The following COL6A5 variants were observed in gnomAD, a reference collection of about 807,000 sequenced individuals.
The protein encoded by COL6A5 is collagen type VI alpha 5 chain.
COL6A5 carries 48 observed loss-of-function variants against 65.6 expected under a neutral mutation model. The observed-to-expected ratio is 0.73, with a 90% confidence interval of 0.58 to 0.93. COL6A5 has a LOEUF of 0.93. Ranked by LOEUF, COL6A5 falls within the 40% of genes least tolerant of loss-of-function variation. The pLI is 0.00. For missense variants in COL6A5, 914 were observed against 928.3 expected (o/e 0.98, Z 0.20); for synonymous variants, 291 against 322.8 (o/e 0.90, Z 1.05).
chr3:130,427,450 C>T (rs147886222), upstream of COL6A5, among the ~76,000 whole-genome samples: 12 of 152,190 alleles, frequency 7.9e-5, no homozygotes, highest in South Asian at 1.7e-3. Flanking sequence ...TTAGAATAAC[C>T]GTCAGGCTAG....
rs1234400428 is a variant in COL6A5, at chr3:130,439,518, GCA to G, written c.488-3_488-2del. On this transcript the variant is annotated splice_acceptor_variant and splice_polypyrimidine_tract_variant and intron_variant, in intron 1 of 7. Transcript: ENST00000512836. LOFTEE classifies it high-confidence loss of function. ...AACATGCGTTCACTTCTTTTCCAAT[GCA>G]GTTTGACAACACTGGAACATTTCAG... 6.5e-7 allele frequency: 1 copy of G among 1,546,230 alleles called. No individual in the cohort carries two copies. The highest frequency in any genetic ancestry group is 8.7e-7 in the Non-Finnish European group (1 of 1,143,746).
chr3:130,379,564 A>G, exon 4 of COL6A5: 4 of 1,551,444 alleles, frequency 2.6e-6, no homozygotes, highest in Non-Finnish European at 2.6e-6. Flanking sequence ...GGAAAATTGC[A>G]TGCGACTTGG....
chr3:130,425,100 C>A (rs1937579282), intron 29 of COL6A5, among the ~76,000 whole-genome samples: 1 of 152,088 alleles, frequency 6.6e-6, no homozygotes. Context: ...GTCATGCATT[C>A]TTTTCTGTTA....
chr3:130,415,786 A>T, intron 23 of COL6A5, 79 bp downstream of exon 23: 2 of 1,199,622 alleles, frequency 1.7e-6, no homozygotes, highest in South Asian at 1.8e-5. Flanking sequence ...TTCACATATA[A>T]TTTTTTGTAT....
intron 1 of COL6A5, among the ~76,000 whole-genome samples, chr3:130,433,440 C>T (rs1219443103): frequency 6.6e-6 from 1 of 152,156 alleles, no homozygotes; most frequent in Non-Finnish European, 1.5e-5. Flanking sequence ...GAGAAGGTGA[C>T]CCAGGAAGCT....
intron 3 of COL6A5, among the ~76,000 whole-genome samples, chr3:130,377,587 G>A (rs182027807): frequency 6.6e-6 from 1 of 152,212 alleles, no homozygotes; most frequent in Non-Finnish European, 1.5e-5. Context: ...GCATTCTGCT[G>A]TGTTGAGCCC....
intron 1 of COL6A5, among the ~76,000 whole-genome samples, chr3:130,347,763 T>C (rs535894353): frequency 2.3e-4 from 35 of 152,294 alleles, no homozygotes; most frequent in Admixed American, 1.4e-3. Flanking sequence ...GGGCACAAAT[T>C]CACTTGGAAT....
chr3:130,409,864 A>G (rs1346635306), intron 18 of COL6A5, 145 bp from the exon 19 acceptor site: 1 of 572,060 alleles, frequency 1.7e-6, no homozygotes, highest in South Asian at 2.9e-5. Flanking sequence ...ATTTTTTCCA[A>G]AATCCTGTGA....
chr3:130,447,371 C>T (rs1459731527), intron 4 of COL6A5, among the ~76,000 whole-genome samples: 2 of 152,048 alleles, frequency 1.3e-5, no homozygotes, highest in South Asian at 2.1e-4. Context: ...TTTGGAAGTA[C>T]GAAGACCTGG....
At chr3:130,454,825 T>A (rs1709529451) in intron 4 of COL6A5, among the ~76,000 whole-genome samples, 1 of 152,168 alleles carries the variant, frequency 6.6e-6, no homozygotes, top group South Asian at 2.1e-4. Flanking sequence ...CAAATGCTTG[T>A]GAGTTTCTTT....
intron 13 of COL6A5, among the ~76,000 whole-genome samples, chr3:130,404,082 G>A (rs1467557407): frequency 6.6e-6 from 1 of 152,158 alleles, no homozygotes; most frequent in Non-Finnish European, 1.5e-5. Flanking sequence ...CCAGTGCTTA[G>A]TACATGGCTT....
chr3:130,405,803 C>A (rs1013727852), intron 14 of COL6A5, 144 bp downstream of exon 14: 2 of 898,616 alleles, frequency 2.2e-6, no homozygotes, highest in Non-Finnish European at 3.4e-6. Context: ...GTTTTCCTGT[C>A]TGCAGACTAA....
chr3:130,416,661 T>C, intron 23 of COL6A5, 96 bp from the exon 24 acceptor site: 1 of 732,104 alleles, frequency 1.4e-6, no homozygotes, highest in Non-Finnish European at 2.3e-6. Context: ...CATCAAGGAG[T>C]TGTTGGGAAT....
intron 27 of COL6A5, among the ~76,000 whole-genome samples, 157 bp downstream of exon 27, chr3:130,421,517 C>T (rs1937517565): frequency 1.3e-5 from 2 of 152,038 alleles, no homozygotes. Context: ...TATTTAACCC[C>T]TGTGAATCTT....
chr3:130,361,725 T>C (rs1215145263), intron 1 of COL6A5, among the ~76,000 whole-genome samples: 1 of 152,152 alleles, frequency 6.6e-6, no homozygotes, highest in Non-Finnish European at 1.5e-5. Context: ...TTGTTTCACA[T>C]TCTTGCCAGC....
intron 4 of COL6A5, among the ~76,000 whole-genome samples, chr3:130,452,819 G>A (rs980124211): frequency 1.3e-5 from 2 of 152,072 alleles, no homozygotes; most frequent in Admixed American, 1.3e-4. Flanking sequence ...CTACAGTTTC[G>A]ACCATAGAAT....
intron 4 of COL6A5, among the ~76,000 whole-genome samples, chr3:130,447,161 A>G (rs1709325923): frequency 1.3e-5 from 2 of 152,162 alleles, no homozygotes; most frequent in Admixed American, 6.5e-5. Flanking sequence ...GGTAGCCCCA[A>G]AACTGCAAAG....
At chr3:130,449,226 A>T (rs1487512874) in intron 4 of COL6A5, among the ~76,000 whole-genome samples, 1 of 152,178 alleles carries the variant, frequency 6.6e-6, no homozygotes, top group Admixed American at 6.5e-5. Context: ...CGCCACTAAA[A>T]AGGATAACCT....
chr3:130,480,758 A>G (rs1209730722), intron 7 of COL6A5, among the ~76,000 whole-genome samples: 3 of 151,392 alleles, frequency 2.0e-5, no homozygotes, highest in Admixed American at 1.3e-4. Flanking sequence ...ATTTTTAAAG[A>G]CAACTAGGCT....
Sources: allele counts gnomAD v4.1 joint callset (sites outside exome capture counted in the v4.1 genomes callset), GRCh38; gene constraint gnomAD v4.1.1; transcripts MANE v1.5; gene names NCBI Gene and HGNC (gene_info 2026-07-23, HGNC 2026-07-21).